The following RPTOR variants were observed in gnomAD, a reference collection of about 807,000 sequenced individuals.
RPTOR encodes the protein regulatory associated protein of MTOR complex 1, also known as regulatory-associated protein of mTOR.
A neutral mutation model predicts 169.9 loss-of-function variants in RPTOR; 21 were observed. That is an observed-to-expected ratio of 0.12 (90% CI 0.09 to 0.18). The LOEUF is 0.18. RPTOR is among the 10% of genes least tolerant of loss of function. The pLI is 1.00. For missense variants in RPTOR, 1,133 were observed against 1,855.9 expected (o/e 0.61, Z 7.16); for synonymous variants, 732 against 753.2 (o/e 0.97, Z 0.46).
chr17:80,569,134 C>T (rs2064876429), intron 1 of RPTOR, among the ~76,000 whole-genome samples: 1 of 152,086 alleles, frequency 6.6e-6, no homozygotes, highest in Admixed American at 6.6e-5. Flanking sequence ...TTCCTCGTCA[C>T]TCTCATTTTT....
At chr17:80,894,394 C>G (rs1380481577) in intron 20 of RPTOR, among the ~76,000 whole-genome samples, 1 of 152,204 alleles carries the variant, frequency 6.6e-6, no homozygotes, top group Non-Finnish European at 1.5e-5. Context: ...CATCCCCGCC[C>G]TGCTCACCTG....
intron 5 of RPTOR, among the ~76,000 whole-genome samples, chr17:80,736,521 A>T (rs1197579499): frequency 6.6e-6 from 1 of 152,194 alleles, no homozygotes; most frequent in African/African-American, 2.4e-5. Flanking sequence ...GCTAAATTTT[A>T]TGTCAAATAA....
At chr17:80,686,187 CTTTT>C (rs3074397) in intron 3 of RPTOR, among the ~76,000 whole-genome samples, 2 of 135,880 alleles carry the variant, frequency 1.5e-5, no homozygotes, top group African/African-American at 2.9e-5. Context: ...TTCATAACAA[CTTTT>C]TTTTTTTTTT....
intron 1 of RPTOR, among the ~76,000 whole-genome samples, chr17:80,606,202 G>A (rs994984404): frequency 9.9e-5 from 15 of 152,018 alleles, no homozygotes; most frequent in Admixed American, 7.9e-4. Flanking sequence ...AGTAGAGACG[G>A]GGTTTCACCA....
rs973971283 is a variant in RPTOR, at chr17:80,562,636, T to A, written c.162+16845T>A. Reference sequence around the variant, plus strand: ...CCGTCTCTACTAAAAATACAGGAATTATCTGGGTGTGGTGACGCACACCTG... The same window carrying A: ...CCGTCTCTACTAAAAATACAGGAATAATCTGGGTGTGGTGACGCACACCTG... On this transcript the variant is annotated intron_variant, in intron 1 of 33. Coordinates refer to ENST00000306801, the MANE Select transcript of RPTOR (RefSeq NM_020761.3). This position sits in a 1 kb window ranked among gnomAD's most constrained non-coding sequence, Gnocchi z 4.4. Among the ~76,000 whole-genome samples, 2 of 151,938 alleles carry A rather than the reference T, an allele frequency of 1.3e-5. No individual in the cohort carries two copies. The highest frequency in any genetic ancestry group is 2.9e-5 in the Non-Finnish European group (2 of 67,998).
At position 80,713,291 on chromosome 17, in the gene RPTOR, C is replaced by T. The variant is rs2066211627; in HGVS notation, c.507+5292C>T. On this transcript the variant is annotated intron_variant, in intron 4 of 33. Coordinates refer to ENST00000306801, the MANE Select transcript of RPTOR (RefSeq NM_020761.3). ...CAACTTCTGACCTCAAGTGATCCAC[C>T]TGCCTCGGCCTCCCAAAGTGCTGGG... 2.6e-5 allele frequency among the ~76,000 whole-genome samples: 4 copies of T among 152,216 alleles called. No individual in the cohort carries two copies. The South Asian group carries it at 8.3e-4, about 32-fold the overall frequency.
intron 3 of RPTOR, among the ~76,000 whole-genome samples, chr17:80,665,153 C>G (rs1157728811): frequency 6.6e-6 from 1 of 152,056 alleles, no homozygotes; most frequent in Non-Finnish European, 1.5e-5. Flanking sequence ...CCTGCTGTCT[C>G]TGGTTTTTAC....
intron 1 of RPTOR, 109 bp from the exon 2 acceptor site, chr17:80,625,582 T>C (rs1160921723): frequency 2.6e-6 from 2 of 784,128 alleles, no homozygotes; most frequent in Non-Finnish European, 4.2e-6. Flanking sequence ...GGAGGGCAGG[T>C]GGGTAGGGAA....
At chr17:80,554,430 C>A (rs7210454) in intron 1 of RPTOR, among the ~76,000 whole-genome samples, 4 of 151,688 alleles carry the variant, frequency 2.6e-5, no homozygotes, top group Non-Finnish European at 5.9e-5. Context: ...TATTTCAACC[C>A]ATTGAATGTG....
At chr17:80,918,206 C>T (rs2068697076) in intron 21 of RPTOR, among the ~76,000 whole-genome samples, 1 of 152,202 alleles carries the variant, frequency 6.6e-6, no homozygotes, top group Admixed American at 6.5e-5. Context: ...CAGATGTGGC[C>T]CTGCCTTAGA....
chr17:80,763,441 G>A (rs558911459), intron 6 of RPTOR, among the ~76,000 whole-genome samples: 6 of 152,320 alleles, frequency 3.9e-5, no homozygotes, highest in African/African-American at 1.4e-4. Flanking sequence ...AGGAAAGCAG[G>A]AAGGTATATA....
At chr17:80,858,778 G>A (rs1047020938) in intron 13 of RPTOR, among the ~76,000 whole-genome samples, 3 of 152,192 alleles carry the variant, frequency 2.0e-5, no homozygotes, top group African/African-American at 7.2e-5. Context: ...TTAGAGGAGG[G>A]CAGGCCACTC....
At chr17:80,709,822 A>G (rs1281952162) in intron 4 of RPTOR, among the ~76,000 whole-genome samples, 1 of 152,064 alleles carries the variant, frequency 6.6e-6, no homozygotes, top group Non-Finnish European at 1.5e-5. Flanking sequence ...CCTATCTGCT[A>G]TCCACTTCTC....
At chr17:80,865,425 C>G (rs1377069786) in intron 13 of RPTOR, among the ~76,000 whole-genome samples, 1 of 152,084 alleles carries the variant, frequency 6.6e-6, no homozygotes, top group Admixed American at 6.6e-5. Flanking sequence ...CATAAAGACA[C>G]GAGTAGATTG....
chr17:80,806,716 A>T (rs1216171402), intron 7 of RPTOR, among the ~76,000 whole-genome samples: 1 of 152,194 alleles, frequency 6.6e-6, no homozygotes, highest in Non-Finnish European at 1.5e-5. Context: ...TACCATCATC[A>T]GCCTTGTGCC....
chr17:80,885,047 G>A lies in RPTOR; in HGVS notation c.1882G>A (p.Gly628Ser), dbSNP rs2143844407. Residue 628 changes from glycine (G) to serine (S), a missense_variant, in exon 17 of 34, where the codon GGC (glycine) becomes AGC (serine). Gly to Ser is a moderately conservative substitution (Grantham distance 56). Coordinates refer to ENST00000306801, the MANE Select transcript of RPTOR (RefSeq NM_020761.3). ...AAVFALGTFV[G>S]NSAERTDHST... ...GGTCTTCGCCCTTGGCACGTTCGTG[G>A]GCAACTCTGCAGAGAGGACGGACCA... 6.2e-7 allele frequency: 1 copy of A among 1,609,286 alleles called. No homozygotes were observed. The highest frequency in any genetic ancestry group is 8.5e-7 in the Non-Finnish European group (1 of 1,178,584).
intron 7 of RPTOR, among the ~76,000 whole-genome samples, chr17:80,814,263 A>G (rs1453424459): frequency 6.6e-6 from 1 of 152,192 alleles, no homozygotes; most frequent in Non-Finnish European, 1.5e-5. Flanking sequence ...CGTAAATTGT[A>G]TGTTTTCCGT....
rs868845297 is a variant in RPTOR, at chr17:80,744,089, A to T, written c.655-9921A>T. The stretch of plus-strand genomic sequence containing the variant: ...CTAGCACTGTCCTGGTTACGAGCAC[A>T]GCCCTGGTTACTAGCACAGCCCTGG... On this transcript the variant is annotated intron_variant, in intron 5 of 33. Transcript: ENST00000306801. 2.4e-3 allele frequency among the ~76,000 whole-genome samples: 204 copies of T among 84,514 alleles called. 2 individuals carry two copies. Among genetic ancestry groups the T allele is most frequent in the Middle Eastern group, 7.2e-3 (1 of 138 alleles). The allele number at this position is 84,514 out of a possible 152,430, so 55.4% of individuals were successfully genotyped here.
intron 2 of RPTOR, among the ~76,000 whole-genome samples, chr17:80,641,802 A>G (rs1449717094): frequency 6.6e-6 from 1 of 152,340 alleles, no homozygotes; most frequent in South Asian, 2.1e-4. Context: ...ATGGCCGCCA[A>G]CTAATGGAGG....
Sources: allele counts gnomAD v4.1 joint callset (sites outside exome capture counted in the v4.1 genomes callset), GRCh38; gene constraint gnomAD v4.1.1; non-coding constraint Gnocchi (gnomAD v3.1); transcripts MANE v1.5; gene names NCBI Gene and HGNC (gene_info 2026-07-23, HGNC 2026-07-21).